Variants in KIF26B observed in about 807,000 individuals in gnomAD.
The protein encoded by KIF26B is kinesin family member 26B.
Under a neutral mutation model 151.2 loss-of-function variants are expected in KIF26B, and 63 were observed. That is an observed-to-expected ratio of 0.42 (90% CI 0.34 to 0.51). KIF26B has a LOEUF of 0.51. KIF26B is among the 20% of genes least tolerant of loss of function. KIF26B has a pLI of 0.07. For missense variants in KIF26B, 2,813 were observed against 2,913.6 expected, an observed-to-expected ratio of 0.97 and a Z score of 0.79; for synonymous variants, 1,357 against 1,262.1, an observed-to-expected ratio of 1.08 and a Z score of -1.59.
chr1:245,525,930 A>G (rs192130355), intron 4 of KIF26B, among the ~76,000 whole-genome samples: 18 of 152,096 alleles, frequency 1.2e-4, no homozygotes, highest in African/African-American at 4.3e-4. Context: ...GATTCTGCCA[A>G]AAAAAATGGA....
At chr1:245,463,574 G>C (rs549521314) in intron 4 of KIF26B, among the ~76,000 whole-genome samples, 1 of 152,138 alleles carries the variant, frequency 6.6e-6, no homozygotes, top group African/African-American at 2.4e-5. Flanking sequence ...GGTCAGCTCC[G>C]CACACACTTC....
chr1:245,358,354 A>C lies in KIF26B; in HGVS notation c.466-8480A>C, dbSNP rs1342739340. Among the ~76,000 whole-genome samples, 1 of 152,158 alleles carries C rather than the reference A, an allele frequency of 6.6e-6. No individual in the cohort carries two copies. Among genetic ancestry groups the C allele is most frequent in the Admixed American group, 6.5e-5 (1 of 15,282 alleles). On this transcript the variant is annotated intron_variant, in intron 2 of 14. Transcript: ENST00000407071. This position sits in a 1 kb window ranked among gnomAD's most constrained non-coding sequence, Gnocchi z 4.1. ...GCTAGCAGAGTGAAACCCTGTCTCT[A>C]ATAAAAATACAAAATATTAGCCAGG...
rs1479845165 is a variant in KIF26B at position 245,212,708 on chromosome 1, C to T, written c.465+56025C>T. ...CACTTGGTGTAACTTTGCGTGCTGT[C>T]GCCCTGAGAGGCGGCACCGTCGGGC... On this transcript the variant is annotated intron_variant, in intron 2 of 14. Transcript: ENST00000407071. Among the ~76,000 whole-genome samples, 6 of 152,190 alleles carry T rather than the reference C, an allele frequency of 3.9e-5. No individual in the cohort carries two copies. In the East Asian group the frequency reaches 9.7e-4, roughly 24 times the overall value.
chr1:245,521,944 A>C (rs1339187239), intron 4 of KIF26B, among the ~76,000 whole-genome samples: 1 of 150,636 alleles, frequency 6.6e-6, no homozygotes, highest in African/African-American at 2.4e-5. Flanking sequence ...ATCTCGGCTC[A>C]CTGCAAGCTC....
Position 245,606,809 on chromosome 1 carries a change from T to C in KIF26B, c.1558-842T>C, listed in dbSNP as rs1472964960. ...CGGGCGCAGTGGCTCACGCCTGTAA[T>C]CCCAGCACTTTGGGAGGCCGAGGCG... On this transcript the variant is annotated intron_variant, in intron 6 of 14. Transcript: ENST00000407071. This position sits in a 1 kb window ranked among gnomAD's most constrained non-coding sequence, Gnocchi z 4.6. 6.6e-6 allele frequency among the ~76,000 whole-genome samples: 1 copy of C among 152,142 alleles called. No individual in the cohort carries two copies. Among genetic ancestry groups the C allele is most frequent in the South Asian group, 2.1e-4 (1 of 4,832 alleles).
At chr1:245,164,528 C>T (rs189837737) in intron 2 of KIF26B, among the ~76,000 whole-genome samples, 104 of 152,328 alleles carry the variant, frequency 6.8e-4, no homozygotes, top group African/African-American at 2.4e-3. Flanking sequence ...CGTGGCGAAG[C>T]GTAAGCGTTC....
intron 10 of KIF26B, among the ~76,000 whole-genome samples, chr1:245,670,165 C>A (rs2044265616): frequency 6.6e-6 from 1 of 150,780 alleles, no homozygotes; most frequent in African/African-American, 2.4e-5. Flanking sequence ...GTAACATTAT[C>A]TTTAGAAGAA....
chr1:245,456,326 G>A (rs934929678), intron 4 of KIF26B, among the ~76,000 whole-genome samples: 2 of 152,150 alleles, frequency 1.3e-5, no homozygotes, highest in African/African-American at 4.8e-5. Flanking sequence ...GAATATGTTT[G>A]CACACAAATC....
At chr1:245,511,844 CA>C (rs1660844550) in intron 4 of KIF26B, among the ~76,000 whole-genome samples, 1 of 152,132 alleles carries the variant, frequency 6.6e-6, no homozygotes, top group South Asian at 2.1e-4. Context: ...GGAGGAAAAA[CA>C]AGTCACTTGA....
In KIF26B at chr1:245,495,948, C is replaced by G. The variant is rs981253323; in HGVS notation, c.1167-44819C>G. On this transcript the variant is annotated intron_variant, in intron 4 of 14. Coordinates refer to ENST00000407071, the MANE Select transcript of KIF26B (RefSeq NM_018012.4). The surrounding 1 kb of genome is among the most constrained non-coding windows in gnomAD (Gnocchi z 4.2). ...TGGGTTGAAAGAATGTAACCGTCAA[C>G]CTAAAAGTTTACAAACTTAATAAAG... Among the ~76,000 whole-genome samples the G allele has an allele frequency of 2.6e-5, 4 of 152,020 alleles. No homozygotes were observed. The highest frequency in any genetic ancestry group is 5.9e-5 in the Non-Finnish European group (4 of 68,008).
intron 2 of KIF26B, chr1:245,234,263 G>C (rs142173544): frequency 6.6e-5 from 10 of 152,100 alleles, no homozygotes; most frequent in African/African-American, 2.4e-4. Context: ...GAACTTTCTC[G>C]TTGTTGGAAC....
chr1:245,260,545 A>T (rs1045506207), intron 2 of KIF26B, among the ~76,000 whole-genome samples: 5 of 152,250 alleles, frequency 3.3e-5, no homozygotes, highest in African/African-American at 9.6e-5. Context: ...TGTTTAATAC[A>T]TGCATTTCAA....
At chr1:245,671,302 A>C (rs977125602) in intron 10 of KIF26B, among the ~76,000 whole-genome samples, 3 of 152,244 alleles carry the variant, frequency 2.0e-5, no homozygotes, top group African/African-American at 7.2e-5. Flanking sequence ...ACTCATAAAA[A>C]GTGTGAAATT....
At chr1:245,353,735 A>G (rs967181276) in intron 2 of KIF26B, 1 of 152,654 alleles carries the variant, frequency 6.6e-6, no homozygotes. Context: ...GCTGTATTTA[A>G]AGCTGCTTTG....
Position 245,593,241 on chromosome 1 carries a change from A to G in KIF26B, c.1351-9336A>G, listed in dbSNP as rs530193477. On this transcript the variant is annotated intron_variant, in intron 5 of 14. Coordinates refer to ENST00000407071, the MANE Select transcript of KIF26B (RefSeq NM_018012.4). The stretch of plus-strand genomic sequence containing the variant: ...GAATGTGCAGGTTTGTTACATAGGT[A>G]TACACATGCCATGGTGGTTTGCTGC... 9.8e-5 allele frequency among the ~76,000 whole-genome samples: 15 copies of G among 152,306 alleles called. No homozygotes were observed. The South Asian group carries it at 3.1e-3, about 32-fold the overall frequency.
intron 4 of KIF26B, chr1:245,510,959 T>A (rs1660821100): frequency 3.2e-6 from 2 of 634,910 alleles, no homozygotes; most frequent in African/African-American, 3.7e-5. Flanking sequence ...GATTTTAGAA[T>A]TTTCCAGCCT....
intron 5 of KIF26B, among the ~76,000 whole-genome samples, chr1:245,562,555 C>G (rs114802081): frequency 0.01 from 1,525 of 152,084 alleles, 9 homozygotes; most frequent in Non-Finnish European, 0.013. Flanking sequence ...TTAACAGTTA[C>G]TGAATCTACC....
rs924124565 is a variant in KIF26B, at chr1:245,513,728, G to A, written c.1167-27039G>A. On this transcript the variant is annotated intron_variant, in intron 4 of 14. Transcript: ENST00000407071. ...CCAAGAAATGTTGTAAAAACCAAGC[G>A]TGGCCTTCAGCTGTTGGACCCTGAG... 3.3e-5 allele frequency among the ~76,000 whole-genome samples: 5 copies of A among 152,324 alleles called. No individual in the cohort carries two copies. In the South Asian group the frequency reaches 1.0e-3, roughly 32 times the overall value.
At chr1:245,678,930 T>C (rs944585864) in intron 10 of KIF26B, among the ~76,000 whole-genome samples, 2 of 152,030 alleles carry the variant, frequency 1.3e-5, no homozygotes, top group Non-Finnish European at 2.9e-5. Context: ...TGCCTGTGCG[T>C]ATGGCTGGCT....
Sources: gnomAD v4.1 joint callset for allele counts (sites outside exome capture counted in the v4.1 genomes callset) on GRCh38, gnomAD v4.1.1 for gene constraint, Gnocchi (gnomAD v3.1) non-coding constraint, MANE v1.5 for transcripts, NCBI Gene and HGNC (gene_info 2026-07-23, HGNC 2026-07-21) for gene names.